The following JADE1 variants were observed in gnomAD, a reference collection of about 807,000 sequenced individuals.
JADE1 encodes the protein protein Jade-1.
JADE1 carries 14 observed loss-of-function variants against 81.8 expected under a neutral mutation model. The observed-to-expected ratio is 0.17, with a 90% CI of 0.11 to 0.27. The LOEUF (loss-of-function observed/expected upper bound fraction) is 0.27. JADE1 is among the 10% of genes least tolerant of loss of function. The pLI is 1.00. For synonymous variants in JADE1, 353 were observed against 391.9 expected, an observed-to-expected ratio of 0.90 and a Z score of 1.17; for missense variants, 690 against 1,047.9, an observed-to-expected ratio of 0.66 and a Z score of 4.71.
At chr4:128,819,556 G>A (rs1727368049) in intron 1 of JADE1, among the ~76,000 whole-genome samples, 1 of 152,212 alleles carries the variant, frequency 6.6e-6, no homozygotes, top group African/African-American at 2.4e-5. Flanking sequence ...GTCAAGTAGG[G>A]TGTATGTGTC....
intron 1 of JADE1, among the ~76,000 whole-genome samples, chr4:128,816,174 A>G (rs1477514535): frequency 6.6e-6 from 1 of 152,168 alleles, no homozygotes; most frequent in East Asian, 1.9e-4. Flanking sequence ...AAGTCCTTGC[A>G]GCACTTTATA....
chr4:128,840,643 C>T (rs1400025700), intron 2 of JADE1, among the ~76,000 whole-genome samples: 1 of 152,178 alleles, frequency 6.6e-6, no homozygotes, highest in Non-Finnish European at 1.5e-5. Flanking sequence ...CACCCAGCCA[C>T]CTTCATCTCC....
intron 5 of JADE1, among the ~76,000 whole-genome samples, chr4:128,849,938 G>A (rs1231599157): frequency 1.3e-5 from 2 of 152,188 alleles, no homozygotes; most frequent in Non-Finnish European, 2.9e-5. Context: ...CTTTTGTGCT[G>A]TAGGTACACG....
intron 5 of JADE1, among the ~76,000 whole-genome samples, chr4:128,851,092 G>C (rs548836443): frequency 7.2e-5 from 11 of 152,122 alleles, no homozygotes; most frequent in Non-Finnish European, 1.6e-4. Context: ...CACCATGCCT[G>C]GCTAATTTTT....
At chr4:128,827,481 G>A (rs1462972606) in intron 1 of JADE1, among the ~76,000 whole-genome samples, 4 of 152,192 alleles carry the variant, frequency 2.6e-5, no homozygotes, top group Admixed American at 2.6e-4. Flanking sequence ...AGTAAGCAGA[G>A]TGTTCAGGGA....
chr4:128,860,599 G>A (rs1186070091), intron 8 of JADE1, among the ~76,000 whole-genome samples: 1 of 152,204 alleles, frequency 6.6e-6, no homozygotes, highest in African/African-American at 2.4e-5. Context: ...ATGCAGTGCT[G>A]CTTTTCAGGG....
chr4:128,816,922 A>C (rs1487673057), intron 1 of JADE1, among the ~76,000 whole-genome samples: 2 of 150,588 alleles, frequency 1.3e-5, no homozygotes, highest in Non-Finnish European at 3.0e-5. Flanking sequence ...TCTGTCACCC[A>C]GGGTGGAGTG....
rs1168172039 is a variant in JADE1, at chr4:128,874,655, C to G, written c.*2393C>G. On this transcript the variant is annotated 3_prime_UTR_variant, in exon 11 of 11. Transcript: ENST00000226319. ...TTAGTTTCATGTCATGCTGGGAACT[C>G]TCTATGAGGTGGCCATAAGCAGCAA... The G allele has an allele frequency of 3.3e-5, 5 of 152,600 alleles. No individual in the cohort carries two copies. The highest frequency in any genetic ancestry group is 1.3e-4 in the Admixed American group (2 of 15,284). 9.5% of individuals were successfully genotyped at this position (152,600 alleles called of 1,614,324 possible).
At position 128,857,332 on chromosome 4, in the gene JADE1, C is replaced by T. The variant is rs769804512; in HGVS notation, c.865-6C>T. 3.7e-6 allele frequency: 6 copies of T among 1,612,806 alleles called. No individual in the cohort carries two copies. Among genetic ancestry groups the T allele is most frequent in the Middle Eastern group, 1.7e-4 (1 of 6,060 alleles). On this transcript the variant is annotated splice_polypyrimidine_tract_variant and splice_region_variant and intron_variant, in intron 7 of 10. Coordinates refer to ENST00000226319, the MANE Select transcript of JADE1 (RefSeq NM_199320.4). ...CCACCCTGTCTTGCTGTTTTCCGAC[C>T]TTTAGGTGAGCATTGGCAGCCCAGA...
At chr4:128,850,919 C>T (rs1343807918) in intron 5 of JADE1, among the ~76,000 whole-genome samples, 2 of 152,120 alleles carry the variant, frequency 1.3e-5, no homozygotes, top group Admixed American at 6.5e-5. Context: ...TTTGTCTTAG[C>T]TGTTATTGGT....
At chr4:128,825,526 A>G (rs1727982791) in intron 1 of JADE1, among the ~76,000 whole-genome samples, 1 of 152,118 alleles carries the variant, frequency 6.6e-6, no homozygotes, top group Admixed American at 6.5e-5. Flanking sequence ...GATTTTTCCC[A>G]GTTTCAGTCA....
chr4:128,871,825 A>G lies in JADE1; in HGVS notation c.2092A>G (p.Thr698Ala). The change falls in exon 11 of 11, where the codon ACA becomes GCA. Residue 698 changes from threonine to alanine, a missense_variant. This residue lies in a region of JADE1 where 218 missense variants were observed against 274.3 expected (regional missense o/e 0.79). Coordinates refer to ENST00000226319, the MANE Select transcript of JADE1 (RefSeq NM_199320.4). This position sits in a 1 kb window ranked among gnomAD's most constrained non-coding sequence, Gnocchi z 4.1. Reference sequence around the variant, plus strand: ...TGTGTCCCAGAGGCATCTGGACAACACAAGAGCTGCCACCTCCCCTGGAGT... The same window carrying G: ...TGTGTCCCAGAGGCATCTGGACAACGCAAGAGCTGCCACCTCCCCTGGAGT... ...TDVSQRHLDN[T>A]RAATSPGVGQ... 4 of 1,614,160 alleles carry G rather than the reference A, an allele frequency of 2.5e-6. No individual in the cohort carries two copies. The highest frequency in any genetic ancestry group is 3.4e-6 in the Non-Finnish European group (4 of 1,180,002).
At chr4:128,814,911 A>G (rs1726858943) in intron 1 of JADE1, among the ~76,000 whole-genome samples, 1 of 151,706 alleles carries the variant, frequency 6.6e-6, no homozygotes, top group African/African-American at 2.4e-5. Flanking sequence ...GTTTTAATAT[A>G]ATCTATTACT....
intron 1 of JADE1, among the ~76,000 whole-genome samples, chr4:128,821,792 G>A (rs1292711596): frequency 2.0e-5 from 3 of 152,152 alleles, no homozygotes; most frequent in African/African-American, 4.8e-5. Context: ...AAAGTGCTGG[G>A]ATTACAGGCA....
chr4:128,834,665 C>T (rs942909261), intron 2 of JADE1, among the ~76,000 whole-genome samples: 3 of 150,838 alleles, frequency 2.0e-5, no homozygotes, highest in African/African-American at 7.3e-5. Flanking sequence ...CTCCGAGTAG[C>T]TAGGACTACA....
chr4:128,871,718 A>G lies in JADE1; in HGVS notation c.1985A>G (p.Asn662Ser), dbSNP rs6855813. The change falls in exon 11 of 11, where the codon AAT (asparagine) becomes AGT (serine). Residue 662 changes from asparagine to serine, a missense_variant. This residue lies in a region of JADE1 where 218 missense variants were observed against 274.3 expected (regional missense o/e 0.79). Transcript: ENST00000226319. This position sits in a 1 kb window ranked among gnomAD's most constrained non-coding sequence, Gnocchi z 4.1. ...CCAGACCATGGGAAAAGAAGAGACA[A>G]TCGTTTTCATTGTGATCTCATTAAA... ...VMPDHGKRRD[N>S]RFHCDLIKGD... 8,214 of 1,614,130 alleles carry G rather than the reference A, an allele frequency of 5.1e-3. 225 individuals carry two copies. The African/African-American group carries it at 0.075, about 15-fold the overall frequency.
At chr4:128,839,832 G>C (rs1729285404) in intron 2 of JADE1, among the ~76,000 whole-genome samples, 1 of 152,138 alleles carries the variant, frequency 6.6e-6, no homozygotes, top group Non-Finnish European at 1.5e-5. Context: ...TGGATGTTTA[G>C]GTTGTTTCTG....
At chr4:128,834,537 T>C (rs533551873) in intron 2 of JADE1, among the ~76,000 whole-genome samples, 109 of 147,698 alleles carry the variant, frequency 7.4e-4, no homozygotes, top group Admixed American at 4.1e-3. Context: ...TTTCTTTTTT[T>C]TTTTTTTTTT....
intron 5 of JADE1, among the ~76,000 whole-genome samples, chr4:128,849,672 C>G (rs980860335): frequency 1.3e-5 from 2 of 152,174 alleles, no homozygotes; most frequent in Non-Finnish European, 2.9e-5. Flanking sequence ...TTTTTCCCTC[C>G]GTTTATCTCT....
Sources: allele counts gnomAD v4.1 joint callset (sites outside exome capture counted in the v4.1 genomes callset), GRCh38; gene constraint gnomAD v4.1.1; regional missense constraint gnomAD v4.1.1; non-coding constraint Gnocchi (gnomAD v3.1); transcripts MANE v1.5; gene names NCBI Gene and HGNC (gene_info 2026-07-23, HGNC 2026-07-21).